FSHR: variants seen among roughly 807,000 people sequenced by gnomAD.
The protein encoded by FSHR is follicle stimulating hormone receptor.
FSHR carries 46 observed loss-of-function variants against 52.1 expected under a neutral mutation model. The observed-to-expected ratio is 0.88, with a 90% CI of 0.70 to 1.13. FSHR has a LOEUF of 1.13. Ranked by LOEUF, FSHR falls within the 50% of genes most tolerant of loss-of-function variation. The pLI, the probability that FSHR is intolerant of heterozygous loss-of-function variation, is 0.00. For synonymous variants in FSHR, 399 were observed against 309.6 expected, an observed-to-expected ratio of 1.29 and a Z score of -3.03; for missense variants, 964 against 834.6, an observed-to-expected ratio of 1.16 and a Z score of -1.91.
chr2:49,015,052 TA>T lies in FSHR; in HGVS notation c.374+2436del, dbSNP rs1380888190. ...TATTTCTATAGTTCTTTATAGTTTT[TA>T]TATAAAAACAATTTGCAAAGTGTTT... is the stretch of plus-strand genomic sequence containing the variant. On this transcript the variant is annotated intron_variant, in intron 4 of 9. Transcript: ENST00000406846. 11 of 311,214 alleles carry T rather than the reference TA, an allele frequency of 3.5e-5. No individual in the cohort carries two copies. The East Asian group carries it at 8.3e-4, about 24-fold the overall frequency. The allele number at this position is 311,214 out of a possible 1,614,324, so 19.3% of individuals were successfully genotyped here. A position where few individuals can be genotyped will look rare whatever the true frequency, so the allele number is the denominator to read the frequency against.
Position 48,962,787 on chromosome 2 carries a change from G to A in FSHR, c.2034C>T (p.Val678=). 6.2e-7 allele frequency: 1 copy of A among 1,614,086 alleles called. No homozygotes were observed. The highest frequency in any genetic ancestry group is 8.5e-7 in the Non-Finnish European group (1 of 1,179,946). Residue 678 remains valine (V), a synonymous_variant, in exon 10 of 10, where the codon GTC becomes GTT. Coordinates refer to ENST00000406846, the MANE Select transcript of FSHR (RefSeq NM_000145.4). ...RNGHCSSAPR[V]TSGSTYILVP... ...CAAGTATGTAAGTGGAACCACTGGT[G>A]ACTCTGGGAGCTGAAGAGCAGTGGC...
intron 4 of FSHR, among the ~76,000 whole-genome samples, chr2:48,996,868 A>G (rs571379058): frequency 6.6e-6 from 1 of 152,180 alleles, no homozygotes; most frequent in Non-Finnish European, 1.5e-5. Context: ...AGAATCTGCA[A>G]ATAATGAGGA....
intron 1 of FSHR, among the ~76,000 whole-genome samples, chr2:49,084,052 G>A (rs1302963152): frequency 6.6e-6 from 1 of 151,412 alleles, no homozygotes; most frequent in Non-Finnish European, 1.5e-5. Flanking sequence ...ATTTTTTTCA[G>A]CACCACACCA....
chr2:49,025,036 G>A (rs545647993), intron 2 of FSHR, among the ~76,000 whole-genome samples: 1 of 152,294 alleles, frequency 6.6e-6, no homozygotes, highest in South Asian at 2.1e-4. Flanking sequence ...TTTGCTGAAT[G>A]AATGAATTAT....
intron 2 of FSHR, among the ~76,000 whole-genome samples, chr2:49,038,585 A>G (rs542950631): frequency 4.0e-5 from 6 of 148,346 alleles, no homozygotes; most frequent in African/African-American, 9.9e-5. Flanking sequence ...AGATCGCGCC[A>G]CTGCACTCCA....
At chr2:48,974,273 G>C (rs1674875922) in intron 8 of FSHR, among the ~76,000 whole-genome samples, 1 of 152,172 alleles carries the variant, frequency 6.6e-6, no homozygotes, top group Non-Finnish European at 1.5e-5. Context: ...ATGATACACT[G>C]GGTAGATTGA....
intron 1 of FSHR, among the ~76,000 whole-genome samples, chr2:49,068,985 C>CTCTCAACTCATCTAAAAAAAGTCT (rs1371637245): frequency 6.6e-6 from 1 of 151,938 alleles, no homozygotes; most frequent in Non-Finnish European, 1.5e-5. Flanking sequence ...GCCATAATGT[C>CTCTCAACTCATCTAAAAAAAGTCT]TCTCATCTCA....
At chr2:49,116,696 CTTTAAATTTTTTCAGA>C (rs1177854206) in intron 1 of FSHR, among the ~76,000 whole-genome samples, 1 of 152,046 alleles carries the variant, frequency 6.6e-6, no homozygotes, top group Non-Finnish European at 1.5e-5. Context: ...TACCATTATT[CTTTAAATTTTTTCAGA>C]TTTAAATTTT....
At chr2:49,034,195 C>G (rs1409249529) in intron 2 of FSHR, among the ~76,000 whole-genome samples, 1 of 152,168 alleles carries the variant, frequency 6.6e-6, no homozygotes, top group Non-Finnish European at 1.5e-5. Flanking sequence ...CTCCCCTTCC[C>G]CAGTTATTCT....
chr2:49,134,299 C>T (rs1443960108), intron 1 of FSHR, among the ~76,000 whole-genome samples: 1 of 152,160 alleles, frequency 6.6e-6, no homozygotes, highest in Non-Finnish European at 1.5e-5. Context: ...ATGCAGCCAA[C>T]AGACACAAGA....
chr2:48,993,846 A>G (rs1281570447), intron 4 of FSHR, among the ~76,000 whole-genome samples: 1 of 152,084 alleles, frequency 6.6e-6, no homozygotes, highest in South Asian at 2.1e-4. Context: ...GCGAACTTCA[A>G]CTCACCCTTC....
At chr2:49,122,239 AG>A (rs1212492953) in intron 1 of FSHR, among the ~76,000 whole-genome samples, 1 of 152,188 alleles carries the variant, frequency 6.6e-6, no homozygotes, top group Non-Finnish European at 1.5e-5. Context: ...ACAGACTGAC[AG>A]ACCTACACGG....
chr2:49,062,816 T>A (rs539595430), intron 2 of FSHR, among the ~76,000 whole-genome samples: 1 of 152,070 alleles, frequency 6.6e-6, no homozygotes, highest in South Asian at 2.1e-4. Context: ...CTGTTCAACA[T>A]CACTAATTAT....
At chr2:49,013,487 T>TAA (rs1558389435) in intron 4 of FSHR, among the ~76,000 whole-genome samples, 96 of 63,886 alleles carry the variant, frequency 1.5e-3, no homozygotes, top group East Asian at 5.9e-3. Context: ...TATAAATAAA[T>TAA]ATATATATAT....
intron 2 of FSHR, among the ~76,000 whole-genome samples, chr2:49,042,024 G>C (rs753749374): frequency 6.6e-6 from 1 of 152,062 alleles, no homozygotes; most frequent in Non-Finnish European, 1.5e-5. Context: ...TGGGCCTGTA[G>C]TCCCAGGTAC....
At chr2:49,052,674 C>T (rs1668911093) in intron 2 of FSHR, among the ~76,000 whole-genome samples, 1 of 152,214 alleles carries the variant, frequency 6.6e-6, no homozygotes, top group South Asian at 2.1e-4. Flanking sequence ...ACCAGTCTAA[C>T]ACTGGCCTTT....
Position 49,020,674 on chromosome 2 carries a change from G to C in FSHR, c.225-514C>G, listed in dbSNP as rs374126452. Among the ~76,000 whole-genome samples, 7 of 152,256 alleles carry C rather than the reference G, an allele frequency of 4.6e-5. No individual in the cohort carries two copies. The East Asian group carries it at 7.7e-4, about 17-fold the overall frequency. Reference sequence around the variant, plus strand: ...CAATAAAACTTTATTCATAAAAACAGGTGTCAGGCTGGATTTGATCCATTG... The same window carrying C: ...CAATAAAACTTTATTCATAAAAACACGTGTCAGGCTGGATTTGATCCATTG... On this transcript the variant is annotated intron_variant, in intron 2 of 9. Coordinates refer to ENST00000406846, the MANE Select transcript of FSHR (RefSeq NM_000145.4).
intron 2 of FSHR, among the ~76,000 whole-genome samples, chr2:49,040,556 T>TA (rs1378964168): frequency 6.6e-6 from 1 of 152,118 alleles, no homozygotes; most frequent in African/African-American, 2.4e-5. Context: ...GCTCAGTAAA[T>TA]ATGTGTTGAA....
intron 1 of FSHR, among the ~76,000 whole-genome samples, chr2:49,076,788 C>G (rs1669964681): frequency 6.6e-6 from 1 of 152,054 alleles, no homozygotes; most frequent in Non-Finnish European, 1.5e-5. Context: ...AGAAAGTGGC[C>G]AAAACAAATT....
Sources: allele counts gnomAD v4.1 joint callset (sites outside exome capture counted in the v4.1 genomes callset), GRCh38; gene constraint gnomAD v4.1.1; transcripts MANE v1.5; gene names NCBI Gene and HGNC (gene_info 2026-07-23, HGNC 2026-07-21).